MTRF1: variants seen among roughly 807,000 people sequenced by gnomAD.
The protein encoded by MTRF1 is peptide chain release factor 1, mitochondrial.
Under a neutral mutation model 62.9 loss-of-function variants are expected in MTRF1, and 51 were observed. The observed-to-expected ratio is 0.81, with a 90% CI of 0.65 to 1.02. The LOEUF (loss-of-function observed/expected upper bound fraction) is 1.02, where lower values mean the gene tolerates loss of function less well. Among genes scored for constraint, MTRF1 ranks in the 50% least tolerant of loss-of-function variants. The pLI is 0.00. For missense variants in MTRF1, 446 were observed against 530.0 expected (o/e 0.84, Z 1.56); for synonymous variants, 158 against 181.9 (o/e 0.87, Z 1.06).
chr13:41,220,609 G>A (rs1230398186), intron 9 of MTRF1: 1 of 1,288,454 alleles, frequency 7.8e-7, no homozygotes, highest in East Asian at 5.5e-5. Context: ...GGAATGTGCA[G>A]GGTCACGACT....
intron 7 of MTRF1, among the ~76,000 whole-genome samples, chr13:41,232,130 CAG>C: frequency 1.3e-5 from 2 of 151,842 alleles, no homozygotes; most frequent in Admixed American, 6.6e-5. Flanking sequence ...TCAGAAGAAA[CAG>C]AGACACTGCA....
At chr13:41,293,823 T>C in the MTRF1 span, among the ~76,000 whole-genome samples, 1 of 152,192 alleles carries the variant, frequency 6.6e-6, no homozygotes, top group Non-Finnish European at 1.5e-5. Flanking sequence ...AATTAATAGA[T>C]ACTAATTAAA....
chr13:41,226,795 A>T (rs899300710), intron 7 of MTRF1, among the ~76,000 whole-genome samples: 3 of 152,210 alleles, frequency 2.0e-5, no homozygotes, highest in Non-Finnish European at 4.4e-5. Context: ...AGAAAGCAGC[A>T]GCATCCACAG....
the MTRF1 span, among the ~76,000 whole-genome samples, chr13:41,302,020 CTTATTTAT>C: frequency 6.6e-6 from 1 of 151,892 alleles, no homozygotes; most frequent in Admixed American, 6.6e-5. Flanking sequence ...AGGAGTCTTT[CTTATTTAT>C]TTATTTATTT....
rs564410184 is a variant in MTRF1, at chr13:41,235,337, A to C, written c.871-1330T>G. The C allele has an allele frequency of 3.3e-5, 5 of 152,352 alleles. No individual in the cohort carries two copies. The South Asian group carries it at 1.0e-3, about 32-fold the overall frequency. 9.4% of individuals were successfully genotyped at this position (152,352 alleles called of 1,614,324 possible). On this transcript the variant is annotated intron_variant, in intron 6 of 9. Coordinates refer to ENST00000379480, the MANE Select transcript of MTRF1 (RefSeq NM_004294.4). ...ATTACTGCCAAGTGGTTCAGAATCT[A>C]CTAAATTAGTGTTTGCTGCAACTTT...
In MTRF1 at chr13:41,240,325, G is replaced by A. The variant is rs1237949822; in HGVS notation, c.806C>T (p.Ser269Phe). The A allele has an allele frequency of 6.2e-7, 1 of 1,613,796 alleles. No homozygotes were observed. The highest frequency in any genetic ancestry group is 2.2e-5 in the East Asian group (1 of 44,862). Residue 269 changes from serine (S) to phenylalanine (F), a missense_variant, in exon 6 of 10, where the codon TCC becomes TTC. Physicochemically the swap from Ser to Phe is radical, Grantham distance 155. Coordinates refer to ENST00000379480, the MANE Select transcript of MTRF1 (RefSeq NM_004294.4). Reference protein sequence around the residue: ...RVQRIPEVGLSSRMQRIHTGT... With the variant: ...RVQRIPEVGLFSRMQRIHTGT... ...TGTGTGAATGCGCTGCATCCTTGAG[G>A]ACAGGCCCACCTCGGGGATGCGCTG...
intron 6 of MTRF1, among the ~76,000 whole-genome samples, chr13:41,239,935 C>T (rs1282192974): frequency 6.6e-6 from 1 of 152,030 alleles, no homozygotes; most frequent in Non-Finnish European, 1.5e-5. Context: ...GCGAGACAGG[C>T]GGACTGCCCG....
At chr13:41,244,134 T>TA (rs922722151) in intron 5 of MTRF1, among the ~76,000 whole-genome samples, 2 of 152,132 alleles carry the variant, frequency 1.3e-5, no homozygotes. Context: ...ATGGGAAGAG[T>TA]ATTTCTTGAA....
chr13:41,275,231 C>T, the MTRF1 span, among the ~76,000 whole-genome samples: 352 of 151,514 alleles, frequency 2.3e-3, 2 homozygotes, highest in Non-Finnish European at 3.8e-3. Flanking sequence ...AACAGAGTCT[C>T]GCTCTGTTGC....
chr13:41,301,263 AG>A, the MTRF1 span, among the ~76,000 whole-genome samples: 8 of 152,176 alleles, frequency 5.3e-5, no homozygotes, highest in African/African-American at 1.9e-4. Flanking sequence ...CACCCTTTGA[AG>A]GTTCTCTGAA....
At chr13:41,242,137 T>G (rs77268926) in intron 5 of MTRF1, among the ~76,000 whole-genome samples, 1 of 152,154 alleles carries the variant, frequency 6.6e-6, no homozygotes. Context: ...GTTTTTTTTT[T>G]GTAATATACT....
intron 5 of MTRF1, among the ~76,000 whole-genome samples, chr13:41,244,456 A>C (rs1371577078): frequency 2.6e-5 from 4 of 152,204 alleles, no homozygotes; most frequent in Non-Finnish European, 1.5e-5. Context: ...CTATTTCAGA[A>C]GAGTTCTCTG....
chr13:41,274,124 G>GC, the MTRF1 span, among the ~76,000 whole-genome samples: 9 of 152,096 alleles, frequency 5.9e-5, 1 homozygote, highest in Admixed American at 1.3e-4. Flanking sequence ...TGATTTGGGG[G>GC]CCCCAAGATT....
At chr13:41,247,361 C>T (rs1266495489) in intron 5 of MTRF1, among the ~76,000 whole-genome samples, 1 of 152,174 alleles carries the variant, frequency 6.6e-6, no homozygotes, top group Non-Finnish European at 1.5e-5. Context: ...CTTCTGCTGG[C>T]TTTCATTGAC....
intron 6 of MTRF1, among the ~76,000 whole-genome samples, chr13:41,237,832 G>A (rs1167714259): frequency 6.6e-6 from 1 of 152,112 alleles, no homozygotes; most frequent in African/African-American, 2.4e-5. Context: ...TATATTCTAA[G>A]GGGAAAAATC....
chr13:41,281,041 A>C, the MTRF1 span, among the ~76,000 whole-genome samples: 1 of 152,222 alleles, frequency 6.6e-6, no homozygotes, highest in Non-Finnish European at 1.5e-5. Context: ...AGAATTGTAT[A>C]TCATACCAGC....
chr13:41,225,045 C>G (rs1333415694), intron 8 of MTRF1, among the ~76,000 whole-genome samples: 3 of 151,982 alleles, frequency 2.0e-5, no homozygotes, highest in Non-Finnish European at 4.4e-5. Context: ...AAACCCATCT[C>G]TGTAAAAAAT....
the MTRF1 span, among the ~76,000 whole-genome samples, chr13:41,292,322 C>T: frequency 9.6e-4 from 146 of 152,248 alleles, 1 homozygote; most frequent in East Asian, 0.023. Flanking sequence ...TGGTGGCTCA[C>T]GCTTGTAATC....
At chr13:41,303,285 A>T in the MTRF1 span, among the ~76,000 whole-genome samples, 1 of 152,168 alleles carries the variant, frequency 6.6e-6, no homozygotes, top group Non-Finnish European at 1.5e-5. Context: ...GATATTAAAC[A>T]ATGAGAATGA....
Sources: allele counts gnomAD v4.1 joint callset (sites outside exome capture counted in the v4.1 genomes callset), GRCh38; gene constraint gnomAD v4.1.1; transcripts MANE v1.5; gene names NCBI Gene and HGNC (gene_info 2026-07-23, HGNC 2026-07-21).